Variants in SLC8A1 observed in about 807,000 individuals in gnomAD.
The protein encoded by SLC8A1 is solute carrier family 8 member A1.
In SLC8A1, 18 loss-of-function variants were observed where a neutral mutation model predicts 68.3. The observed-to-expected ratio is 0.26, with a 90% CI of 0.18 to 0.39. The LOEUF (loss-of-function observed/expected upper bound fraction) is 0.39. SLC8A1 is among the 10% of genes least tolerant of loss of function. The probability of loss-of-function intolerance (pLI) is 1.00; values close to 1 mark genes in which losing one functional copy is unlikely to be tolerated. For synonymous variants in SLC8A1, 475 were observed against 415.5 expected (o/e 1.14, Z -1.74); for missense variants, 985 against 1,156.7 (o/e 0.85, Z 2.15).
chr2:40,445,860 A>G (rs1241991576), intron 1 of SLC8A1, among the ~76,000 whole-genome samples: 1 of 152,118 alleles, frequency 6.6e-6, no homozygotes, highest in Non-Finnish European at 1.5e-5. Flanking sequence ...GAGACATTTG[A>G]TGGGTACCTC....
At chr2:40,321,128 C>T (rs2075133201) in intron 2 of SLC8A1, among the ~76,000 whole-genome samples, 2 of 152,126 alleles carry the variant, frequency 1.3e-5, no homozygotes, top group South Asian at 4.2e-4. Flanking sequence ...TCAATTTCCT[C>T]ATCTACAAAT....
chr2:40,490,598 G>C (rs1705250312), intron 1 of SLC8A1, among the ~76,000 whole-genome samples: 1 of 152,110 alleles, frequency 6.6e-6, no homozygotes, highest in Admixed American at 6.6e-5. Context: ...AAGACACAAA[G>C]TTGACTATAA....
chr2:40,324,618 T>C (rs560493861), intron 2 of SLC8A1, among the ~76,000 whole-genome samples: 7 of 152,234 alleles, frequency 4.6e-5, no homozygotes, highest in South Asian at 4.1e-4. Context: ...ATTTTGTTCA[T>C]CCACTGGGGA....
At chr2:40,202,642 C>G (rs2054608770) in intron 2 of SLC8A1, among the ~76,000 whole-genome samples, 1 of 151,928 alleles carries the variant, frequency 6.6e-6, no homozygotes, top group South Asian at 2.1e-4. Flanking sequence ...GCAGAAATCA[C>G]CAAGGGTGAT....
At chr2:40,452,923 T>G (rs1702731469), upstream of SLC8A1, among the ~76,000 whole-genome samples, 1 of 152,050 alleles carries the variant, frequency 6.6e-6, no homozygotes, top group Non-Finnish European at 1.5e-5. Flanking sequence ...AGCATTAAGG[T>G]TGAGTGGGAA....
At chr2:40,190,093 A>AG (rs1339568013) in intron 2 of SLC8A1, among the ~76,000 whole-genome samples, 2 of 152,200 alleles carry the variant, frequency 1.3e-5, no homozygotes, top group Non-Finnish European at 2.9e-5. Context: ...TACCTCGCTA[A>AG]GCATCTTATT....
At chr2:40,183,809 C>G (rs1273733824) in intron 2 of SLC8A1, among the ~76,000 whole-genome samples, 1 of 152,178 alleles carries the variant, frequency 6.6e-6, no homozygotes, top group Non-Finnish European at 1.5e-5. Context: ...CCTAAACCCA[C>G]TCCAGATCAG....
chr2:40,351,824 C>G (rs1292649131), intron 2 of SLC8A1, among the ~76,000 whole-genome samples: 3 of 152,062 alleles, frequency 2.0e-5, no homozygotes. Flanking sequence ...AGATTCAAAC[C>G]AACAAATTGA....
chr2:40,298,453 T>C (rs1461218841), intron 2 of SLC8A1, among the ~76,000 whole-genome samples: 2 of 152,182 alleles, frequency 1.3e-5, no homozygotes, highest in East Asian at 1.9e-4. Flanking sequence ...TATATTTTCC[T>C]ATAAAAAAGG....
chr2:40,259,008 A>C (rs986034302), intron 2 of SLC8A1, among the ~76,000 whole-genome samples: 5 of 26,448 alleles, frequency 1.9e-4, no homozygotes, highest in African/African-American at 4.6e-4. Context: ...ATTACTATAA[A>C]TTGTGAGACA....
chr2:40,119,484 C>T (rs936999383), intron 7 of SLC8A1, among the ~76,000 whole-genome samples: 1 of 152,214 alleles, frequency 6.6e-6, no homozygotes, highest in African/African-American at 2.4e-5. Context: ...TAGGGCAATA[C>T]ATCACATACC....
At chr2:40,256,906 G>A (rs1255860703) in intron 2 of SLC8A1, among the ~76,000 whole-genome samples, 1 of 152,118 alleles carries the variant, frequency 6.6e-6, no homozygotes, top group African/African-American at 2.4e-5. Flanking sequence ...AAACTTGAGA[G>A]GGGAGAATGT....
chr2:40,172,921 A>G (rs1333604986), intron 4 of SLC8A1, among the ~76,000 whole-genome samples: 1 of 152,186 alleles, frequency 6.6e-6, no homozygotes, highest in Non-Finnish European at 1.5e-5. Flanking sequence ...CAGCCTGGCA[A>G]CAGAGTGAGA....
intron 6 of SLC8A1, among the ~76,000 whole-genome samples, chr2:40,148,166 T>C (rs1382112714): frequency 3.9e-5 from 6 of 152,220 alleles, no homozygotes; most frequent in South Asian, 2.1e-4. Context: ...GGATATGATA[T>C]AATACACAAA....
At chr2:40,115,671 A>G (rs752463757) in intron 7 of SLC8A1, 42 bp from the exon 11 acceptor site, 5 of 1,573,008 alleles carry the variant, frequency 3.2e-6, no homozygotes, top group Non-Finnish European at 4.3e-6. Context: ...TCAATCTTTT[A>G]GAGATGTCTT....
intron 2 of SLC8A1, among the ~76,000 whole-genome samples, chr2:40,232,024 G>C (rs2059714790): frequency 6.6e-6 from 1 of 152,054 alleles, no homozygotes; most frequent in Non-Finnish European, 1.5e-5. Flanking sequence ...AATAGAATGG[G>C]GCTGTGTCCT....
chr2:40,413,942 C>A (rs1375185674), intron 2 of SLC8A1, among the ~76,000 whole-genome samples: 3 of 152,020 alleles, frequency 2.0e-5, no homozygotes, highest in African/African-American at 2.4e-5. Flanking sequence ...GATTTGCCAA[C>A]CAACAGTTAA....
intron 2 of SLC8A1, among the ~76,000 whole-genome samples, chr2:40,417,295 T>C (rs543540528): frequency 2.0e-5 from 3 of 152,230 alleles, no homozygotes; most frequent in Non-Finnish European, 2.9e-5. Flanking sequence ...AAATAGATAT[T>C]TTTTTTCTGA....
intron 2 of SLC8A1, among the ~76,000 whole-genome samples, chr2:40,238,560 G>A (rs865949105): frequency 2.2e-4 from 34 of 152,184 alleles, no homozygotes; most frequent in Non-Finnish European, 2.4e-4. Context: ...GAAATCGCCC[G>A]TCTTCTGCGT....
Sources: gnomAD v4.1 joint callset for allele counts (sites outside exome capture counted in the v4.1 genomes callset) on GRCh38, gnomAD v4.1.1 for gene constraint, MANE v1.5 for transcripts, NCBI Gene and HGNC (gene_info 2026-07-23, HGNC 2026-07-21) for gene names.